Variants in FGF10 observed in about 807,000 individuals in gnomAD.
The protein encoded by FGF10 is fibroblast growth factor 10, also known as FGF-10.
In FGF10, 2 loss-of-function variants were observed where a neutral mutation model predicts 19.8. The observed-to-expected ratio is 0.10, with a 90% CI of 0.04 to 0.32. The LOEUF is 0.32. FGF10 is among the 10% of genes least tolerant of loss of function. FGF10 has a pLI of 1.00. For synonymous variants in FGF10, 112 were observed against 94.0 expected (o/e 1.19, Z -1.10); for missense variants, 191 against 246.3 (o/e 0.78, Z 1.50).
chr5:44,388,565 G>C lies in FGF10; in HGVS notation c.118C>G (p.Leu40Val), dbSNP rs146669375. 68 of 1,614,058 alleles carry C rather than the reference G, an allele frequency of 4.2e-5. No individual in the cohort carries two copies. The highest frequency in any genetic ancestry group is 1.2e-4 in the Admixed American group (7 of 60,004). ...VSSVPVTCQA[L>V]GQDMVSPEAT... ...TCTGGTGACACCATGTCCTGACCAA[G>C]GGCTTGGCAGGTGACAGGGACGGAA... Residue 40 changes from leucine to valine, a missense_variant, in exon 1 of 3, where the codon CTT (leucine) becomes GTT (valine). Physicochemically the swap from Leu to Val is conservative, Grantham distance 32. Transcript: ENST00000264664.
chr5:44,376,521 A>G (rs555560943), intron 1 of FGF10, among the ~76,000 whole-genome samples: 1 of 147,326 alleles, frequency 6.8e-6, no homozygotes, highest in South Asian at 2.1e-4. Context: ...AAAAAAACAA[A>G]AAACCCACAA....
In FGF10 at chr5:44,301,659, TTA is replaced by T. The variant is rs1348388115; in HGVS notation, c.*3334_*3335del. 1.3e-5 allele frequency among the ~76,000 whole-genome samples: 2 copies of T among 152,206 alleles called. No homozygotes were observed. Among genetic ancestry groups the T allele is most frequent in the Non-Finnish European group, 2.9e-5 (2 of 68,036 alleles). On this transcript the variant is annotated 3_prime_UTR_variant, in exon 3 of 3. Coordinates refer to ENST00000264664, the MANE Select transcript of FGF10 (RefSeq NM_004465.2). ...AGAAAAGATTGAAAGCATTTGGTTGTTATTAGAGTAAAGATAGCTAACTCACA... is the reference window on the plus strand; with the variant it reads ...AGAAAAGATTGAAAGCATTTGGTTGTTTAGAGTAAAGATAGCTAACTCACA...
intron 1 of FGF10, among the ~76,000 whole-genome samples, chr5:44,313,435 A>G (rs1385715104): frequency 6.6e-6 from 1 of 152,084 alleles, no homozygotes; most frequent in Non-Finnish European, 1.5e-5. Flanking sequence ...TCAGTAGCTT[A>G]TAGTTCTATA....
At chr5:44,360,886 T>C (rs1172008860) in intron 1 of FGF10, among the ~76,000 whole-genome samples, 1 of 151,678 alleles carries the variant, frequency 6.6e-6, no homozygotes, top group African/African-American at 2.4e-5. Context: ...GACCAAATAT[T>C]CTGTCCTAAT....
intron 1 of FGF10, among the ~76,000 whole-genome samples, chr5:44,349,457 T>TCAGAATATATATATATATCAGA (rs1386268498): frequency 4.4e-4 from 13 of 29,798 alleles, no homozygotes; most frequent in African/African-American, 1.7e-3. Flanking sequence ...TATATATATA[T>TCAGAATATATATATATATCAGA]ATATATATAT....
intron 1 of FGF10, among the ~76,000 whole-genome samples, chr5:44,318,575 G>A (rs906355680): frequency 2.6e-5 from 4 of 152,138 alleles, no homozygotes; most frequent in Admixed American, 2.6e-4. Context: ...AGGACAGAAA[G>A]TCTGCCAGTC....
intron 1 of FGF10, among the ~76,000 whole-genome samples, chr5:44,312,942 G>T (rs764892669): frequency 1.3e-5 from 2 of 152,012 alleles, no homozygotes; most frequent in Non-Finnish European, 2.9e-5. Context: ...AGGATGAACT[G>T]CAAGTGGTAT....
chr5:44,377,052 C>T (rs1280731667), intron 1 of FGF10, among the ~76,000 whole-genome samples: 2 of 152,216 alleles, frequency 1.3e-5, no homozygotes, highest in Non-Finnish European at 2.9e-5. Flanking sequence ...CACCTGCATG[C>T]AAACTTTGTT....
At chr5:44,319,799 A>G (rs2111721092) in intron 1 of FGF10, among the ~76,000 whole-genome samples, 1 of 152,306 alleles carries the variant, frequency 6.6e-6, no homozygotes, top group South Asian at 2.1e-4. Context: ...AAATGGCAAC[A>G]TTGATTCATT....
intron 2 of FGF10, among the ~76,000 whole-genome samples, chr5:44,306,664 C>T (rs1740083347): frequency 6.6e-6 from 1 of 152,150 alleles, no homozygotes; most frequent in South Asian, 2.1e-4. Flanking sequence ...GGATTTATCA[C>T]AGTTTAGAAC....
Position 44,376,597 on chromosome 5 carries a change from C to T in FGF10, c.325+11761G>A, listed in dbSNP as rs539803755. Among the ~76,000 whole-genome samples, 109 of 143,998 alleles carry T rather than the reference C, an allele frequency of 7.6e-4. 4 individuals are homozygous for T. The South Asian group carries it at 0.024, about 31-fold the overall frequency. The allele number at this position is 143,998 out of a possible 152,430, so 94.5% of individuals were successfully genotyped here. On this transcript the variant is annotated intron_variant, in intron 1 of 2. Transcript: ENST00000264664. The stretch of plus-strand genomic sequence containing the variant: ...GGATTTGCTGGAAATTACAAAACCT[C>T]TTCACAGTGAAATATACATATTAAG...
intron 1 of FGF10, among the ~76,000 whole-genome samples, chr5:44,377,436 C>A (rs1321828519): frequency 6.6e-6 from 1 of 152,194 alleles, no homozygotes; most frequent in Admixed American, 6.5e-5. Context: ...ATAATGCTGT[C>A]TCGAAACTGT....
chr5:44,359,646 T>A (rs986608856), intron 1 of FGF10, among the ~76,000 whole-genome samples: 1 of 151,514 alleles, frequency 6.6e-6, no homozygotes, highest in Non-Finnish European at 1.5e-5. Context: ...ATGGTGATAA[T>A]GCCACTTTCT....
At chr5:44,314,334 T>C (rs1740285038) in intron 1 of FGF10, among the ~76,000 whole-genome samples, 1 of 152,106 alleles carries the variant, frequency 6.6e-6, no homozygotes, top group Non-Finnish European at 1.5e-5. Context: ...TGTCTACAAA[T>C]ATAAAATTGT....
intron 1 of FGF10, among the ~76,000 whole-genome samples, chr5:44,314,489 A>T (rs1429138782): frequency 6.6e-6 from 1 of 152,196 alleles, no homozygotes; most frequent in Non-Finnish European, 1.5e-5. Context: ...TATGACAAAA[A>T]TCAGTTCATA....
chr5:44,345,642 A>G (rs1304968152), intron 1 of FGF10, among the ~76,000 whole-genome samples: 1 of 151,590 alleles, frequency 6.6e-6, no homozygotes, highest in Non-Finnish European at 1.5e-5. Context: ...TCAAAAAAAA[A>G]AAAAAAAAAT....
In FGF10 at chr5:44,330,009, A is replaced by T. The variant is rs931122116; in HGVS notation, c.326-19479T>A. On this transcript the variant is annotated intron_variant, in intron 1 of 2. Transcript: ENST00000264664. ...TAGCAGTTTCCTCTTTTCATTCATAAGCTGTCCTTTTATATTTATGAGCTC... is the reference window on the plus strand; with the variant it reads ...TAGCAGTTTCCTCTTTTCATTCATATGCTGTCCTTTTATATTTATGAGCTC... Among the ~76,000 whole-genome samples the T allele has an allele frequency of 1.1e-4, 16 of 152,148 alleles. 1 individual carries two copies. Among genetic ancestry groups the T allele is most frequent in the African/African-American group, 2.9e-4 (12 of 41,426 alleles).
chr5:44,318,931 C>T (rs1698803863), intron 1 of FGF10, among the ~76,000 whole-genome samples: 1 of 152,136 alleles, frequency 6.6e-6, no homozygotes, highest in South Asian at 2.1e-4. Context: ...AAGGCTTGGT[C>T]TTAGCAAATT....
In FGF10 at chr5:44,300,587, GACAA is replaced by G. The variant is rs945893051; in HGVS notation, c.*4404_*4407del. ...ATGATCTTAAAACCTCTCTAACTTG[GACAA>G]ACAAACAGGTGAAGAATAATTGGAA... On this transcript the variant is annotated 3_prime_UTR_variant, in exon 3 of 3. Transcript: ENST00000264664. Among the ~76,000 whole-genome samples the G allele has an allele frequency of 6.6e-6, 1 of 152,120 alleles. No homozygotes were observed. Among genetic ancestry groups the G allele is most frequent in the Non-Finnish European group, 1.5e-5 (1 of 68,006 alleles).
Sources: allele counts gnomAD v4.1 joint callset (sites outside exome capture counted in the v4.1 genomes callset), GRCh38; gene constraint gnomAD v4.1.1; transcripts MANE v1.5; gene names NCBI Gene and HGNC (gene_info 2026-07-23, HGNC 2026-07-21).